Variants in RPH3A observed in about 807,000 individuals in gnomAD.
RPH3A encodes the protein rabphilin-3A.
In RPH3A, 48 loss-of-function variants were observed where a neutral mutation model predicts 102.2. The observed-to-expected ratio is 0.47, with a 90% CI of 0.37 to 0.60. The LOEUF is 0.60. Among genes scored for constraint, RPH3A ranks in the 20% least tolerant of loss-of-function variants. RPH3A has a pLI of 0.00. For missense variants in RPH3A, 781 were observed against 910.1 expected, an observed-to-expected ratio of 0.86 and a Z score of 1.83; for synonymous variants, 310 against 324.3, an observed-to-expected ratio of 0.96 and a Z score of 0.47.
At chr12:112,824,455 G>A (rs2041833466) in intron 2 of RPH3A, among the ~76,000 whole-genome samples, 1 of 152,118 alleles carries the variant, frequency 6.6e-6, no homozygotes, top group Non-Finnish European at 1.5e-5. Flanking sequence ...GGATCCAGAT[G>A]AGGAATCAAC....
chr12:112,616,169 C>A (rs1416134738), intron 1 of RPH3A, among the ~76,000 whole-genome samples: 1 of 152,098 alleles, frequency 6.6e-6, no homozygotes, highest in East Asian at 1.9e-4. Context: ...ATTTTTGAGA[C>A]AGAATCTTGC....
chr12:112,861,475 G>T (rs1593095638), intron 5 of RPH3A, among the ~76,000 whole-genome samples: 2 of 152,182 alleles, frequency 1.3e-5, no homozygotes, highest in Admixed American at 6.5e-5. Flanking sequence ...GCAGGGTGGA[G>T]GTTGGCCTGT....
In RPH3A at chr12:112,797,778, G is replaced by C. The variant is rs372398062; in HGVS notation, c.-19+5515G>C. 6.3e-4 allele frequency among the ~76,000 whole-genome samples: 95 copies of C among 151,854 alleles called. No homozygotes were observed. The South Asian group carries it at 0.018, about 28-fold the overall frequency. ...GATGATCATAGCTCACTGCAGCCTTGAACTCCTGGGCTCAAGCGATCCTCT... is the reference window on the plus strand; with the variant it reads ...GATGATCATAGCTCACTGCAGCCTTCAACTCCTGGGCTCAAGCGATCCTCT... On this transcript the variant is annotated intron_variant, in intron 2 of 21. Transcript: ENST00000389385.
rs116907849 is a variant in RPH3A at position 112,600,246 on chromosome 12, T to G, written c.-140+24927T>G. Among the ~76,000 whole-genome samples, 522 of 152,254 alleles carry G rather than the reference T, an allele frequency of 3.4e-3. 3 individuals are homozygous for G. Among genetic ancestry groups the G allele is most frequent in the South Asian group, 0.013 (63 of 4,820 alleles). Reference sequence around the variant, plus strand: ...GTCATCTGTTTTCTTCTTCTTAATTTAAATACAGGGCATACTGCAAGGTGC... The same window carrying G: ...GTCATCTGTTTTCTTCTTCTTAATTGAAATACAGGGCATACTGCAAGGTGC... On this transcript the variant is annotated intron_variant, in intron 1 of 21. Coordinates refer to the RPH3A transcript ENST00000543106.
At chr12:112,753,252 C>G (rs575173387) in intron 1 of RPH3A, among the ~76,000 whole-genome samples, 43 of 152,278 alleles carry the variant, frequency 2.8e-4, no homozygotes, top group South Asian at 2.1e-4. Flanking sequence ...CTGGGCAGAG[C>G]CCACTTCATT....
chr12:112,738,118 C>T (rs1179257343), intron 1 of RPH3A, among the ~76,000 whole-genome samples: 2 of 152,154 alleles, frequency 1.3e-5, no homozygotes, highest in Non-Finnish European at 2.9e-5. Context: ...AAATCTCTGC[C>T]TTTATCATCA....
intron 1 of RPH3A, among the ~76,000 whole-genome samples, chr12:112,717,329 C>A (rs115294028): frequency 1.1e-3 from 164 of 152,296 alleles, no homozygotes; most frequent in African/African-American, 3.8e-3. Context: ...TACCCTCAAC[C>A]TCTGGCAACC....
intron 1 of RPH3A, among the ~76,000 whole-genome samples, chr12:112,592,546 T>C (rs1366412000): frequency 6.6e-6 from 1 of 152,226 alleles, no homozygotes; most frequent in African/African-American, 2.4e-5. Flanking sequence ...CTCGAACTCC[T>C]GACCTCACGT....
In RPH3A at chr12:112,883,378, A is replaced by G; in HGVS notation, c.1412A>G (p.Glu471Gly). Residue 471 changes from glutamate (E) to glycine (G), a missense_variant, in exon 16 of 22, where the codon GAG becomes GGG. This residue lies in a region of RPH3A where 730 missense variants were observed against 810.0 expected (regional missense o/e 0.90). Transcript: ENST00000389385. ...CTCGTGTATCACGGCATCACCGATG[A>G]GGACATGCAAAGGAAGACCCTCAGG... ...ETLVYHGITDEDMQRKTLRIS... is the reference protein window; with the variant it reads ...ETLVYHGITDGDMQRKTLRIS... The G allele has an allele frequency of 1.9e-6, 3 of 1,614,046 alleles. No homozygotes were observed. Among genetic ancestry groups the G allele is most frequent in the Non-Finnish European group, 2.5e-6 (3 of 1,179,916 alleles).
intron 2 of RPH3A, among the ~76,000 whole-genome samples, chr12:112,810,196 G>A (rs1478802154): frequency 6.6e-6 from 1 of 152,112 alleles, no homozygotes; most frequent in East Asian, 1.9e-4. Flanking sequence ...TGGAAATCAG[G>A]GCTGAATGAA....
chr12:112,767,862 CA>C (rs2040901428), intron 1 of RPH3A, among the ~76,000 whole-genome samples: 1 of 152,136 alleles, frequency 6.6e-6, no homozygotes, highest in Non-Finnish European at 1.5e-5. Context: ...AAACCTGCTG[CA>C]AAAGGCCACA....
intron 1 of RPH3A, among the ~76,000 whole-genome samples, chr12:112,656,491 G>A (rs535370045): frequency 1.3e-5 from 2 of 152,202 alleles, no homozygotes; most frequent in African/African-American, 2.4e-5. Flanking sequence ...GTAATGGTGA[G>A]GTTTGGGCCT....
At chr12:112,651,152 G>C (rs1017895109) in intron 1 of RPH3A, among the ~76,000 whole-genome samples, 1 of 151,976 alleles carries the variant, frequency 6.6e-6, no homozygotes, top group Non-Finnish European at 1.5e-5. Context: ...TTGAGCTCAG[G>C]AGTTCCAGAC....
rs2042681751 is a variant in RPH3A at position 112,870,034 on chromosome 12, C to T, written c.791C>T (p.Pro264Leu). ...GGTGCTGGAGACTCCAGCCGGAGCC[C>T]AGCAGGTGAGCAAGATGGGCAAATC... The part of the protein sequence containing the change: ...SGGAGDSSRS[P>L]AGLRRANSVQ... The change falls in exon 10 of 22, where the codon CCA (proline) becomes CTA (leucine). Residue 264 changes from proline (P) to leucine (L), a missense_variant. Pro to Leu is a moderately conservative substitution (Grantham distance 98). Around this residue, in one of 2 missense-constraint regions of RPH3A, gnomAD observed 730 missense variants for 810.0 expected, o/e 0.90. Coordinates refer to ENST00000389385, the MANE Select transcript of RPH3A (RefSeq NM_001143854.2). 5 of 1,610,906 alleles carry T rather than the reference C, an allele frequency of 3.1e-6. No homozygotes were observed. The highest frequency in any genetic ancestry group is 4.2e-6 in the Non-Finnish European group (5 of 1,178,956).
At chr12:112,860,778 C>T (rs1168227113) in intron 5 of RPH3A, among the ~76,000 whole-genome samples, 1 of 152,102 alleles carries the variant, frequency 6.6e-6, no homozygotes, top group Non-Finnish European at 1.5e-5. Flanking sequence ...GTTCTGAGAC[C>T]CCCAATGGTA....
rs115499154 is a variant in RPH3A, at chr12:112,882,353, C to G, written c.1326+507C>G. ...GCTTTACTCTGGGGTTAATTCTCCT[C>G]TCTGGGGATTGGCCTACCCAGAGTA... On this transcript the variant is annotated intron_variant, in intron 15 of 21. Transcript: ENST00000389385. 8.0e-3 allele frequency among the ~76,000 whole-genome samples: 1,221 copies of G among 152,300 alleles called. 15 individuals are homozygous for G. Among genetic ancestry groups the G allele is most frequent in the African/African-American group, 0.028 (1,153 of 41,540 alleles).
At chr12:112,674,754 G>T (rs1275879386) in intron 1 of RPH3A, among the ~76,000 whole-genome samples, 1 of 152,154 alleles carries the variant, frequency 6.6e-6, no homozygotes, top group Admixed American at 6.5e-5. Context: ...TCAGATATCC[G>T]AGTTTTTATT....
At chr12:112,789,713 TCAA>T (rs1425430294), upstream of RPH3A, among the ~76,000 whole-genome samples, 1 of 151,472 alleles carries the variant, frequency 6.6e-6, no homozygotes, top group East Asian at 1.9e-4. Flanking sequence ...ATCATCACCA[TCAA>T]CATCATCAGC....
At chr12:112,891,114 G>A in intron 19 of RPH3A, 111 bp downstream of exon 19, 1 of 1,261,606 alleles carries the variant, frequency 7.9e-7, no homozygotes, top group Admixed American at 2.3e-5. Flanking sequence ...CCCAGAGAGG[G>A]CAAGGAACCT....
Sources: gnomAD v4.1 joint callset for allele counts (sites outside exome capture counted in the v4.1 genomes callset) on GRCh38, gnomAD v4.1.1 for gene constraint, gnomAD v4.1.1 regional missense constraint, MANE v1.5 for transcripts, NCBI Gene and HGNC (gene_info 2026-07-23, HGNC 2026-07-21) for gene names.